RCL1: variants seen among roughly 807,000 people sequenced by gnomAD.
The protein encoded by RCL1 is RNA 3'-terminal phosphate cyclase-like protein.
A neutral mutation model predicts 42.4 loss-of-function variants in RCL1; 24 were observed. The ratio of observed to expected loss-of-function variants is 0.57; its 90% CI spans 0.41 to 0.80. RCL1 has a LOEUF of 0.80. Ranked by LOEUF, RCL1 falls within the 30% of genes least tolerant of loss-of-function variation. The pLI is 0.00. For missense variants in RCL1, 578 were observed against 467.9 expected (o/e 1.24, Z -2.17); for synonymous variants, 228 against 177.3 (o/e 1.29, Z -2.27).
intron 1 of RCL1, among the ~76,000 whole-genome samples, chr9:4,820,307 C>T (rs1213753752): frequency 6.6e-6 from 1 of 152,086 alleles, no homozygotes; most frequent in Non-Finnish European, 1.5e-5. Flanking sequence ...TTGATCTTAC[C>T]ATTATTAGGT....
chr9:4,827,814 C>T (rs1024528237), intron 3 of RCL1, among the ~76,000 whole-genome samples: 1 of 150,574 alleles, frequency 6.6e-6, no homozygotes, highest in African/African-American at 2.4e-5. Context: ...CTAGAGAAGT[C>T]CTGTCCAGGC....
At chr9:4,827,303 AG>A in intron 3 of RCL1, 2 of 1,198,174 alleles carry the variant, frequency 1.7e-6, no homozygotes, top group Non-Finnish European at 2.3e-6. Flanking sequence ...GTCTCATCAT[AG>A]TTGACATGAA....
rs1333188914 is a variant in RCL1, at chr9:4,860,337, A to G, written c.*62A>G. ...AAAGCAGAAGCTGCCACGGACACCA[A>G]TGGGACCAAGTCCAAATGGATTAAT... On this transcript the variant is annotated 3_prime_UTR_variant, in exon 9 of 9. Transcript: ENST00000381750. The G allele has an allele frequency of 6.4e-6, 10 of 1,558,718 alleles. No homozygotes were observed. The highest frequency in any genetic ancestry group is 5.9e-5 in the South Asian group (5 of 84,132).
chr9:4,838,798 T>C (rs1817221225), intron 5 of RCL1, among the ~76,000 whole-genome samples: 1 of 152,252 alleles, frequency 6.6e-6, no homozygotes, highest in Non-Finnish European at 1.5e-5. Context: ...TCCATAGCTT[T>C]CATCAGATTC....
At chr9:4,831,323 C>T (rs1261828435) in intron 3 of RCL1, among the ~76,000 whole-genome samples, 1 of 148,682 alleles carries the variant, frequency 6.7e-6, no homozygotes, top group Admixed American at 6.6e-5. Context: ...TTTTTTCCCT[C>T]GAGAGAGCCG....
At chr9:4,843,729 C>G (rs140357235) in intron 6 of RCL1, among the ~76,000 whole-genome samples, 3 of 152,292 alleles carry the variant, frequency 2.0e-5, no homozygotes, top group East Asian at 1.9e-4. Context: ...AGCAGTGGCA[C>G]CTTGTCTTGC....
intron 3 of RCL1, 108 bp from the exon 4 acceptor site, chr9:4,833,046 T>G (rs1239155222): frequency 1.4e-6 from 1 of 740,480 alleles, no homozygotes; most frequent in Non-Finnish European, 2.4e-6. Context: ...CCTTTCTGTT[T>G]ACCACACTGC....
chr9:4,856,132 C>T (rs150363050), intron 8 of RCL1, among the ~76,000 whole-genome samples: 60 of 152,266 alleles, frequency 3.9e-4, no homozygotes, highest in Admixed American at 7.8e-4. Context: ...TGGCTTTTTC[C>T]AGGTTGCCGC....
intron 1 of RCL1, among the ~76,000 whole-genome samples, chr9:4,813,607 A>G (rs1291705969): frequency 2.0e-5 from 3 of 152,248 alleles, no homozygotes; most frequent in Non-Finnish European, 2.9e-5. Flanking sequence ...AAACTAGTTC[A>G]GCCATTGTGG....
rs781409104 is a variant in RCL1 at position 4,860,081 on chromosome 9, AATGAATTTCTT to A, written c.972-43_972-33del. Reference sequence around the variant, plus strand: ...GGTGGTAGAGGATAATTTTTTTTTGAATGAATTTCTTTTTATTTATTTATTTATTTTTTTCC... The same window carrying A: ...GGTGGTAGAGGATAATTTTTTTTTGATTTATTTATTTATTTATTTTTTTCC... On this transcript the variant is annotated intron_variant, in intron 8 of 8. Coordinates refer to ENST00000381750, the MANE Select transcript of RCL1 (RefSeq NM_005772.5). The A allele has an allele frequency of 1.5e-5, 21 of 1,375,914 alleles. No individual in the cohort carries two copies. The South Asian group carries it at 3.1e-4, about 21-fold the overall frequency. 85.2% of individuals were successfully genotyped at this position (1,375,914 alleles called of 1,614,324 possible). A position where few individuals can be genotyped will look rare whatever the true frequency, so the allele number is the denominator to read the frequency against.
intron 5 of RCL1, chr9:4,839,659 T>C (rs1817248038): frequency 4.1e-6 from 4 of 985,292 alleles, no homozygotes; most frequent in South Asian, 4.7e-5. Context: ...TGTGTGTGTA[T>C]TGAAAAATCC....
At chr9:4,819,805 C>CA (rs541413565) in intron 1 of RCL1, among the ~76,000 whole-genome samples, 24 of 152,302 alleles carry the variant, frequency 1.6e-4, no homozygotes, top group Admixed American at 4.6e-4. Flanking sequence ...GACTCCGTCT[C>CA]AAAAACAAAA....
intron 1 of RCL1, among the ~76,000 whole-genome samples, chr9:4,814,623 G>A (rs1001036706): frequency 2.0e-5 from 3 of 151,890 alleles, no homozygotes; most frequent in African/African-American, 7.3e-5. Flanking sequence ...TTTTCTTCCC[G>A]TCTTATTGTT....
intron 1 of RCL1, among the ~76,000 whole-genome samples, chr9:4,816,277 T>C (rs776938148): frequency 2.0e-5 from 3 of 152,260 alleles, no homozygotes; most frequent in Non-Finnish European, 2.9e-5. Context: ...CCACTCTGAC[T>C]TGTCTTTTGA....
rs1587717743 is a variant in RCL1, at chr9:4,833,003, A to T, written c.385-151A>T. ...TGAAATCACAGTGTTCCTCAGGCAGAGCCAGCCCACTCGCTCAGTTATATG... is the reference window on the plus strand; with the variant it reads ...TGAAATCACAGTGTTCCTCAGGCAGTGCCAGCCCACTCGCTCAGTTATATG... On this transcript the variant is annotated intron_variant, in intron 3 of 8. Transcript: ENST00000381750. 5.0e-6 allele frequency: 3 copies of T among 597,706 alleles called. No individual in the cohort carries two copies. In the Admixed American group the frequency reaches 7.2e-5, roughly 14 times the overall value. 37.0% of individuals were successfully genotyped at this position (597,706 alleles called of 1,614,324 possible). A position where few individuals can be genotyped will look rare whatever the true frequency, so the allele number is the denominator to read the frequency against.
At chr9:4,817,968 T>C (rs1024020940) in intron 1 of RCL1, among the ~76,000 whole-genome samples, 5 of 133,980 alleles carry the variant, frequency 3.7e-5, no homozygotes, top group African/African-American at 5.5e-5. Flanking sequence ...TTGCCTGGGC[T>C]GGAGTGTAGT....
At chr9:4,856,615 C>T (rs1817972125) in intron 8 of RCL1, among the ~76,000 whole-genome samples, 2 of 152,026 alleles carry the variant, frequency 1.3e-5, no homozygotes, top group South Asian at 4.1e-4. Flanking sequence ...ACACCATGAG[C>T]AGAGAATGCT....
At chr9:4,809,359 G>T (rs1816090243) in intron 1 of RCL1, among the ~76,000 whole-genome samples, 1 of 151,782 alleles carries the variant, frequency 6.6e-6, no homozygotes, top group South Asian at 2.1e-4. Flanking sequence ...CGCCAGGCTG[G>T]AGTGCAGTGG....
rs1818137075 is a variant in RCL1, at chr9:4,860,508, C to T, written c.*233C>T. 2.1e-6 allele frequency: 1 copy of T among 478,310 alleles called. No homozygotes were observed. The highest frequency in any genetic ancestry group is 3.0e-5 in the South Asian group (1 of 32,876). 29.6% of individuals were successfully genotyped at this position (478,310 alleles called of 1,614,324 possible). A position where few individuals can be genotyped will look rare whatever the true frequency, so the allele number is the denominator to read the frequency against. On this transcript the variant is annotated 3_prime_UTR_variant, in exon 9 of 9. Transcript: ENST00000381750. ...GGGGCCCAGTCACCATGAGAGCTCCCTTGCCTTACCTGGAGGAAGAATGTG... is the reference window on the plus strand; with the variant it reads ...GGGGCCCAGTCACCATGAGAGCTCCTTTGCCTTACCTGGAGGAAGAATGTG...
Sources: allele counts gnomAD v4.1 joint callset (sites outside exome capture counted in the v4.1 genomes callset), GRCh38; gene constraint gnomAD v4.1.1; transcripts MANE v1.5; gene names NCBI Gene and HGNC (gene_info 2026-07-23, HGNC 2026-07-21).